The following DYNC2H1 variants were observed in gnomAD, a reference collection of about 807,000 sequenced individuals.
DYNC2H1 encodes dynein cytoplasmic 2 heavy chain 1.
Under a neutral mutation model 570.0 loss-of-function variants are expected in DYNC2H1, and 410 were observed. That is an observed-to-expected ratio of 0.72 (90% CI 0.66 to 0.78). The LOEUF (loss-of-function observed/expected upper bound fraction) is 0.78, where lower values mean the gene tolerates loss of function less well. DYNC2H1 is among the 30% of genes least tolerant of loss of function. The pLI is 0.00. For missense variants in DYNC2H1, 4,865 were observed against 5,046.4 expected (o/e 0.96, Z 1.09); for synonymous variants, 1,688 against 1,677.6 (o/e 1.01, Z -0.15).
At chr11:103,470,845 T>C (rs187007036) in intron 88 of DYNC2H1, among the ~76,000 whole-genome samples, 20 of 152,356 alleles carry the variant, frequency 1.3e-4, no homozygotes, top group Admixed American at 2.0e-4. Context: ...TTCCAAGTCT[T>C]TGCTATTGTC....
intron 20 of DYNC2H1, among the ~76,000 whole-genome samples, chr11:103,150,204 A>G (rs1236209764): frequency 5.3e-5 from 8 of 152,222 alleles, no homozygotes; most frequent in African/African-American, 1.7e-4. Context: ...GTGTAATAAG[A>G]AAGTCTTTAG....
At position 103,236,441 on chromosome 11, in the gene DYNC2H1, A is replaced by C. The variant is rs1442848553; in HGVS notation, c.9721A>C (p.Arg3241=). 6.3e-7 allele frequency: 1 copy of C among 1,596,432 alleles called. No homozygotes were observed. The highest frequency in any genetic ancestry group is 1.1e-5 in the South Asian group (1 of 90,594). ...CTTCAACTTTTCAGAATTTGATCTG[A>C]GGAGATTTCTTTGTACTGAAAGTGA... The part of the protein sequence containing the change: ...KSAGLEKFDL[R]RFLCTESEQL... The change falls in exon 63 of 89, where the codon AGG becomes CGG. Residue 3241 remains arginine (R), a synonymous_variant. Transcript: ENST00000375735.
intron 28 of DYNC2H1, 98 bp downstream of exon 28, chr11:103,159,125 A>C (rs1296857515): frequency 1.1e-5 from 10 of 872,082 alleles, no homozygotes; most frequent in Non-Finnish European, 1.6e-5. Context: ...TACAGCAGTC[A>C]GTTCATATAC....
chr11:103,300,368 A>G (rs1318931681), intron 75 of DYNC2H1, among the ~76,000 whole-genome samples: 1 of 152,102 alleles, frequency 6.6e-6, no homozygotes, highest in African/African-American at 2.4e-5. Context: ...ATAGTTTTAC[A>G]TGATAATTCA....
intron 80 of DYNC2H1, 92 bp downstream of exon 80, chr11:103,316,712 C>A: frequency 1.1e-6 from 1 of 928,276 alleles, no homozygotes. Flanking sequence ...GGCTTAACTT[C>A]CTATCACAAA....
intron 4 of DYNC2H1, among the ~76,000 whole-genome samples, chr11:103,116,119 T>C (rs1038445346): frequency 1.3e-5 from 2 of 151,466 alleles, no homozygotes; most frequent in Non-Finnish European, 2.9e-5. Flanking sequence ...CTGTTTTAAA[T>C]GGTTTTAAGC....
In DYNC2H1 at chr11:103,299,310, G is replaced by A. The variant is rs138003804; in HGVS notation, c.11096-3783G>A. Among the ~76,000 whole-genome samples the A allele has an allele frequency of 2.0e-5, 3 of 152,182 alleles. No individual in the cohort carries two copies. In the East Asian group the frequency reaches 5.8e-4, roughly 29 times the overall value. On this transcript the variant is annotated intron_variant, in intron 75 of 88. Coordinates refer to ENST00000375735, the MANE Select transcript of DYNC2H1 (RefSeq NM_001377.3). The surrounding 1 kb of genome is among the most constrained non-coding windows in gnomAD (Gnocchi z 4.5). ...GTGTCTAAAAGAAAGAAAGACATAA[G>A]GATATGTGCATTCATTTTCTGTTGC...
rs777165285 is a variant in DYNC2H1 at position 103,203,715 on chromosome 11, A to T, written c.8250A>T (p.Pro2750=). The change falls in exon 51 of 89, where the codon CCA becomes CCT. Residue 2750 remains proline (P), a synonymous_variant. Coordinates refer to ENST00000375735, the MANE Select transcript of DYNC2H1 (RefSeq NM_001377.3). The surrounding 1 kb of genome is among the most constrained non-coding windows in gnomAD (Gnocchi z 4.7). ...AAGAATTAGAGCCCTTGCTGTTACC[A>T]CTTAAGGATCAAGCTTCACAAGATG... The part of the protein sequence containing the change: ...TLEELEPLLL[P]LKDQASQDGF... 1.2e-6 allele frequency: 2 copies of T among 1,612,580 alleles called. No individual in the cohort carries two copies. The highest frequency in any genetic ancestry group is 1.7e-6 in the Non-Finnish European group (2 of 1,179,272).
At chr11:103,364,878 C>G (rs1292571435) in intron 83 of DYNC2H1, among the ~76,000 whole-genome samples, 1 of 152,144 alleles carries the variant, frequency 6.6e-6, no homozygotes, top group Admixed American at 6.6e-5. Context: ...CACCCACAGG[C>G]ACTGCAGGGG....
chr11:103,226,829 TC>T (rs1424060995), intron 59 of DYNC2H1, among the ~76,000 whole-genome samples: 2 of 152,124 alleles, frequency 1.3e-5, no homozygotes, highest in Non-Finnish European at 2.9e-5. Flanking sequence ...AAGCTGTGAA[TC>T]CATCAAGATT....
At chr11:103,269,819 A>G (rs898285082) in intron 70 of DYNC2H1, among the ~76,000 whole-genome samples, 1 of 152,106 alleles carries the variant, frequency 6.6e-6, no homozygotes, top group African/African-American at 2.4e-5. Context: ...TTGTTTCTTC[A>G]TTTACTTTAT....
At chr11:103,467,528 TTTG>T (rs1945230306) in intron 87 of DYNC2H1, among the ~76,000 whole-genome samples, 2 of 130,526 alleles carry the variant, frequency 1.5e-5, no homozygotes, top group Non-Finnish European at 3.1e-5. Flanking sequence ...TTTGTTTTGT[TTTG>T]TTTTGTTTTG....
intron 82 of DYNC2H1, among the ~76,000 whole-genome samples, chr11:103,343,905 C>A (rs1939607613): frequency 6.6e-6 from 1 of 152,116 alleles, no homozygotes; most frequent in Admixed American, 6.6e-5. Context: ...CATATTATTG[C>A]ATATCTTATT....
chr11:103,185,098 A>C lies in DYNC2H1; in HGVS notation c.6633+47A>C. The C allele has an allele frequency of 6.4e-7, 1 of 1,554,346 alleles. No homozygotes were observed. The highest frequency in any genetic ancestry group is 8.8e-7 in the Non-Finnish European group (1 of 1,141,222). On this transcript the variant is annotated intron_variant, in intron 41 of 88. Coordinates refer to ENST00000375735, the MANE Select transcript of DYNC2H1 (RefSeq NM_001377.3). This position sits in a 1 kb window ranked among gnomAD's most constrained non-coding sequence, Gnocchi z 4.5. ...TATTTAGTCAAAACTTTAACTTTTC[A>C]TTAACTCTTAACTGCCAAAACACAA...
intron 84 of DYNC2H1, among the ~76,000 whole-genome samples, chr11:103,429,242 C>G (rs1029677306): frequency 2.8e-5 from 4 of 144,110 alleles, no homozygotes; most frequent in Non-Finnish European, 4.5e-5. Flanking sequence ...GCCTGGGTGA[C>G]AGAGTGAGAC....
At chr11:103,462,382 GCA>G (rs1290430904) in intron 87 of DYNC2H1, among the ~76,000 whole-genome samples, 9 of 145,150 alleles carry the variant, frequency 6.2e-5, no homozygotes, top group Admixed American at 4.1e-4. Flanking sequence ...GTATCATAAG[GCA>G]CACACGTGTT....
At chr11:103,400,932 A>G (rs1355045391) in intron 84 of DYNC2H1, among the ~76,000 whole-genome samples, 3 of 152,148 alleles carry the variant, frequency 2.0e-5, no homozygotes, top group Admixed American at 1.3e-4. Context: ...TTAATCAACC[A>G]TGATTATCAA....
At chr11:103,202,546 T>C (rs1263130407) in intron 50 of DYNC2H1, among the ~76,000 whole-genome samples, 2 of 152,060 alleles carry the variant, frequency 1.3e-5, no homozygotes, top group East Asian at 1.9e-4. Context: ...ATCAAAAATA[T>C]CTTGGTATGT....
intron 77 of DYNC2H1, 136 bp downstream of exon 77, chr11:103,304,856 T>G (rs915281369): frequency 2.0e-6 from 2 of 1,004,062 alleles, no homozygotes; most frequent in Non-Finnish European, 2.6e-6. Flanking sequence ...AATTTAAATA[T>G]TTCATAAATA....
Sources: allele counts gnomAD v4.1 joint callset (sites outside exome capture counted in the v4.1 genomes callset), GRCh38; gene constraint gnomAD v4.1.1; non-coding constraint Gnocchi (gnomAD v3.1); transcripts MANE v1.5; gene names NCBI Gene and HGNC (gene_info 2026-07-23, HGNC 2026-07-21).